The following RSU1 variants were observed in gnomAD, a reference collection of about 807,000 sequenced individuals.
RSU1 encodes the protein Ras suppressor protein 1.
In RSU1, 26 loss-of-function variants were observed where a neutral mutation model predicts 31.1. The ratio of observed to expected loss-of-function variants is 0.84; its 90% CI spans 0.61 to 1.16. The LOEUF (loss-of-function observed/expected upper bound fraction) is 1.16, where lower values mean the gene tolerates loss of function less well. RSU1 is among the 50% of genes most tolerant of loss of function. The pLI is 0.00. For synonymous variants in RSU1, 164 were observed against 136.3 expected (o/e 1.20, Z -1.41); for missense variants, 320 against 339.1 (o/e 0.94, Z 0.44).
intron 8 of RSU1, among the ~76,000 whole-genome samples, chr10:16,649,935 A>C (rs912999221): frequency 2.0e-5 from 3 of 152,248 alleles, no homozygotes; most frequent in Admixed American, 2.0e-4. Flanking sequence ...AACCAAAAGT[A>C]AACACATCTT....
At chr10:16,700,559 T>A (rs1467039141) in intron 7 of RSU1, among the ~76,000 whole-genome samples, 1 of 152,132 alleles carries the variant, frequency 6.6e-6, no homozygotes, top group Non-Finnish European at 1.5e-5. Context: ...TAGACAAAGA[T>A]TCTACACATA....
chr10:16,674,697 T>C (rs183677658), intron 8 of RSU1, among the ~76,000 whole-genome samples: 2 of 152,082 alleles, frequency 1.3e-5, no homozygotes, highest in Non-Finnish European at 2.9e-5. Context: ...GCATTTGAAC[T>C]GAAACTTGAA....
intron 1 of RSU1, 70 bp from the exon 2 acceptor site, chr10:16,817,154 C>A: frequency 9.1e-7 from 1 of 1,097,310 alleles, no homozygotes; most frequent in Non-Finnish European, 1.4e-6. Flanking sequence ...AAGAGGCCTT[C>A]GCTGCCACTC....
chr10:16,714,874 G>C (rs557331601), intron 7 of RSU1, among the ~76,000 whole-genome samples: 3 of 152,316 alleles, frequency 2.0e-5, no homozygotes, highest in Non-Finnish European at 4.4e-5. Context: ...CATTGCATCT[G>C]TGTGAGCTCC....
chr10:16,792,288 A>G (rs1353736329), intron 2 of RSU1, among the ~76,000 whole-genome samples: 1 of 152,222 alleles, frequency 6.6e-6, no homozygotes. Flanking sequence ...GCTGGAGTGC[A>G]GTGGCACAGT....
intron 8 of RSU1, among the ~76,000 whole-genome samples, chr10:16,684,467 C>T (rs1835400830): frequency 6.6e-6 from 1 of 152,074 alleles, no homozygotes; most frequent in Non-Finnish European, 1.5e-5. Context: ...AGTTAAAATG[C>T]AGTCATTAGG....
Position 16,645,921 on chromosome 10 carries a change from T to C in RSU1, c.731+49102A>G, listed in dbSNP as rs1428978437. On this transcript the variant is annotated intron_variant, in intron 8 of 8. Coordinates refer to ENST00000345264, the MANE Select transcript of RSU1 (RefSeq NM_012425.4). ...ATATACACATATATGTATATATATG[T>C]GTATATACACATATGTGTATATATA... Among the ~76,000 whole-genome samples the C allele has an allele frequency of 3.1e-4, 8 of 26,020 alleles. 3 individuals carry two copies. The highest frequency in any genetic ancestry group is 4.4e-4 in the African/African-American group (3 of 6,886). 17.1% of individuals were successfully genotyped at this position (26,020 alleles called of 152,430 possible). A position where few individuals can be genotyped will look rare whatever the true frequency, so the allele number is the denominator to read the frequency against.
At chr10:16,650,703 C>G (rs1588694983) in intron 8 of RSU1, among the ~76,000 whole-genome samples, 1 of 151,744 alleles carries the variant, frequency 6.6e-6, no homozygotes, top group East Asian at 1.9e-4. Context: ...CCTCAGCCTC[C>G]TGAGTAGCTG....
At chr10:16,602,677 T>C (rs1209268756) in intron 8 of RSU1, among the ~76,000 whole-genome samples, 1 of 152,228 alleles carries the variant, frequency 6.6e-6, no homozygotes, top group Admixed American at 6.5e-5. Flanking sequence ...CGTTTGCTCG[T>C]GTCATATGTA....
intron 2 of RSU1, among the ~76,000 whole-genome samples, chr10:16,800,080 C>G (rs1838119992): frequency 1.3e-5 from 2 of 152,094 alleles, no homozygotes; most frequent in South Asian, 4.1e-4. Context: ...AAGGAAGACA[C>G]AAGAGAAAAT....
At chr10:16,759,718 C>A (rs1837169640) in intron 4 of RSU1, among the ~76,000 whole-genome samples, 1 of 152,200 alleles carries the variant, frequency 6.6e-6, no homozygotes, top group African/African-American at 2.4e-5. Flanking sequence ...TGTGGCTTCA[C>A]ACTTTTTGGA....
intron 8 of RSU1, among the ~76,000 whole-genome samples, chr10:16,655,340 G>A (rs1834759646): frequency 6.6e-6 from 1 of 152,140 alleles, no homozygotes; most frequent in Non-Finnish European, 1.5e-5. Context: ...AAGAGCACGG[G>A]CTTGGGACTT....
At chr10:16,697,300 T>C (rs1324766458) in intron 7 of RSU1, among the ~76,000 whole-genome samples, 1 of 152,166 alleles carries the variant, frequency 6.6e-6, no homozygotes, top group African/African-American at 2.4e-5. Context: ...CTCTAATCTC[T>C]GCCCACAGAC....
intron 8 of RSU1, among the ~76,000 whole-genome samples, chr10:16,635,795 C>T (rs185328079): frequency 5.9e-5 from 9 of 152,362 alleles, no homozygotes; most frequent in South Asian, 4.1e-4. Context: ...GTACCCATCA[C>T]GGGTAAGCTT....
At chr10:16,641,824 G>T (rs1204324182) in intron 8 of RSU1, among the ~76,000 whole-genome samples, 3 of 152,212 alleles carry the variant, frequency 2.0e-5, no homozygotes, top group Non-Finnish European at 4.4e-5. Context: ...AGGAGAGCAG[G>T]AAGGCACGGG....
chr10:16,755,760 C>G (rs1457757670), intron 4 of RSU1, among the ~76,000 whole-genome samples: 2 of 152,208 alleles, frequency 1.3e-5, no homozygotes, highest in African/African-American at 2.4e-5. Context: ...TCCCCTCTCC[C>G]TCCAGCCTGT....
At chr10:16,661,544 A>G (rs1447936509) in intron 8 of RSU1, among the ~76,000 whole-genome samples, 2 of 152,176 alleles carry the variant, frequency 1.3e-5, no homozygotes, top group Non-Finnish European at 2.9e-5. Flanking sequence ...TTAAGCTTAT[A>G]GTCACAAATG....
intron 8 of RSU1, among the ~76,000 whole-genome samples, chr10:16,647,962 T>C: frequency 6.6e-6 from 1 of 152,034 alleles, no homozygotes; most frequent in East Asian, 1.9e-4. Flanking sequence ...TTCTTGTTTT[T>C]CTTTGAGACA....
At chr10:16,691,356 C>T (rs989289347) in intron 8 of RSU1, among the ~76,000 whole-genome samples, 1 of 145,244 alleles carries the variant, frequency 6.9e-6, no homozygotes, top group Non-Finnish European at 1.5e-5. Flanking sequence ...TCTGGTGAAA[C>T]ACAATAGCGG....
Sources: gnomAD v4.1 joint callset for allele counts (sites outside exome capture counted in the v4.1 genomes callset) on GRCh38, gnomAD v4.1.1 for gene constraint, MANE v1.5 for transcripts, NCBI Gene and HGNC (gene_info 2026-07-23, HGNC 2026-07-21) for gene names.